The following CLIP4 variants were observed in gnomAD, a reference collection of about 807,000 sequenced individuals.
CLIP4 encodes CAP-Gly domain containing linker protein family member 4.
Under a neutral mutation model 73.1 loss-of-function variants are expected in CLIP4, and 47 were observed. The ratio of observed to expected loss-of-function variants is 0.64; its 90% CI spans 0.51 to 0.82. CLIP4 has a LOEUF of 0.82. CLIP4 is among the 40% of genes least tolerant of loss of function. CLIP4 has a pLI of 0.00. For synonymous variants in CLIP4, 306 were observed against 295.4 expected (o/e 1.04, Z -0.37); for missense variants, 874 against 852.9 (o/e 1.02, Z -0.31).
chr2:29,155,400 G>T (rs1250100762), intron 9 of CLIP4, among the ~76,000 whole-genome samples: 1 of 44,922 alleles, frequency 2.2e-5, no homozygotes, highest in Non-Finnish European at 6.3e-5. Flanking sequence ...ATACACCCAA[G>T]TGTATACACA....
intron 14 of CLIP4, among the ~76,000 whole-genome samples, chr2:29,171,542 G>T (rs528278009): frequency 1.4e-5 from 2 of 143,464 alleles, no homozygotes; most frequent in South Asian, 2.2e-4. Context: ...TTTTTGAGAC[G>T]GAGTCTTGCT....
intron 9 of CLIP4, among the ~76,000 whole-genome samples, chr2:29,153,053 C>T (rs1666684703): frequency 6.6e-6 from 1 of 152,188 alleles, no homozygotes; most frequent in Admixed American, 6.5e-5. Flanking sequence ...TGTCTCCATA[C>T]CTTTATCACA....
intron 6 of CLIP4, among the ~76,000 whole-genome samples, chr2:29,140,899 T>C (rs1288500302): frequency 6.6e-6 from 1 of 152,250 alleles, no homozygotes; most frequent in Non-Finnish European, 1.5e-5. Flanking sequence ...TGTCTGTTCT[T>C]ATTTTTCTAG....
chr2:29,133,523 G>A, intron 4 of CLIP4, 132 bp from the exon 5 acceptor site: 1 of 688,114 alleles, frequency 1.5e-6, no homozygotes, highest in Non-Finnish European at 2.3e-6. Flanking sequence ...ATCAATTCTT[G>A]CAAGTGAAAT....
intron 14 of CLIP4, among the ~76,000 whole-genome samples, chr2:29,171,350 G>T (rs534613329): frequency 6.6e-6 from 1 of 151,968 alleles, no homozygotes; most frequent in Non-Finnish European, 1.5e-5. Flanking sequence ...TAATTGTTTG[G>T]CATTAATGTA....
At chr2:29,138,073 CT>C in intron 6 of CLIP4, among the ~76,000 whole-genome samples, 1 of 152,270 alleles carries the variant, frequency 6.6e-6, no homozygotes, top group East Asian at 1.9e-4. Flanking sequence ...GTCCCAAATT[CT>C]TTGCCTAAGC....
rs1447676352 is a variant in CLIP4, at chr2:29,131,588, C to G, written c.273+191C>G. ...ATTCTTCTGATTATTTCTTCATGCT[C>G]TGTACTTCTGACATTTGTAGACTCC... On this transcript the variant is annotated intron_variant, in intron 3 of 15. Coordinates refer to ENST00000320081, the MANE Select transcript of CLIP4 (RefSeq NM_024692.6). The G allele has an allele frequency of 6.0e-6, 3 of 502,042 alleles. No individual in the cohort carries two copies. In the African/African-American group the frequency reaches 6.1e-5, roughly 10 times the overall value. 31.1% of individuals were successfully genotyped at this position (502,042 alleles called of 1,614,324 possible).
intron 1 of CLIP4, among the ~76,000 whole-genome samples, chr2:29,099,524 A>G (rs1222714947): frequency 6.6e-6 from 1 of 152,170 alleles, no homozygotes. Flanking sequence ...TTGAGTGAGT[A>G]TATTTCTGAG....
At chr2:29,170,305 ATTT>A (rs1439673407) in intron 14 of CLIP4, among the ~76,000 whole-genome samples, 1 of 152,030 alleles carries the variant, frequency 6.6e-6, no homozygotes, top group Non-Finnish European at 1.5e-5. Context: ...TGATAGTTCT[ATTT>A]TTAGTTTTTT....
intron 9 of CLIP4, among the ~76,000 whole-genome samples, 163 bp downstream of exon 9, chr2:29,152,991 T>G (rs1356721857): frequency 1.3e-5 from 2 of 152,222 alleles, no homozygotes; most frequent in African/African-American, 4.8e-5. Flanking sequence ...TTTAATGACT[T>G]CAGTTCCTAA....
At chr2:29,137,123 C>T (rs767147240) in intron 6 of CLIP4, among the ~76,000 whole-genome samples, 4 of 151,866 alleles carry the variant, frequency 2.6e-5, no homozygotes, top group African/African-American at 7.3e-5. Context: ...CTTCTGTTGA[C>T]GCCGTCACCC....
At chr2:29,129,746 G>C (rs893203864) in intron 2 of CLIP4, among the ~76,000 whole-genome samples, 2 of 152,074 alleles carry the variant, frequency 1.3e-5, no homozygotes, top group Non-Finnish European at 2.9e-5. Context: ...GTCTCCAAAA[G>C]GCTTAGGATA....
At chr2:29,176,008 A>T (rs550350306) in intron 15 of CLIP4, among the ~76,000 whole-genome samples, 3 of 152,134 alleles carry the variant, frequency 2.0e-5, no homozygotes, top group Non-Finnish European at 4.4e-5. Flanking sequence ...TGATCTGCCC[A>T]CCTTGGCCTC....
At chr2:29,150,335 G>A (rs1219582298) in intron 8 of CLIP4, among the ~76,000 whole-genome samples, 4 of 152,172 alleles carry the variant, frequency 2.6e-5, no homozygotes, top group African/African-American at 4.8e-5. Context: ...TTTAATCATC[G>A]TAAGAGGGTT....
intron 8 of CLIP4, among the ~76,000 whole-genome samples, chr2:29,150,344 T>C (rs1308292565): frequency 1.3e-5 from 2 of 152,084 alleles, no homozygotes; most frequent in Non-Finnish European, 2.9e-5. Flanking sequence ...CGTAAGAGGG[T>C]TTACTAATAC....
chr2:29,129,510 G>A (rs368946680), intron 2 of CLIP4, among the ~76,000 whole-genome samples: 1 of 151,910 alleles, frequency 6.6e-6, no homozygotes, highest in South Asian at 2.1e-4. Flanking sequence ...TTTTAGCCAT[G>A]TGTCAATTAA....
intron 9 of CLIP4, among the ~76,000 whole-genome samples, 199 bp from the exon 10 acceptor site, chr2:29,156,155 T>C (rs904644503): frequency 2.6e-5 from 4 of 152,246 alleles, no homozygotes; most frequent in African/African-American, 7.2e-5. Flanking sequence ...AATTGATCTT[T>C]GTAGCCACTG....
chr2:29,132,449 T>G, intron 4 of CLIP4: 1 of 535,106 alleles, frequency 1.9e-6, no homozygotes, highest in Non-Finnish European at 3.3e-6. Context: ...TGATACCTCT[T>G]AACTTTTCTG....
upstream of CLIP4, chr2:29,114,979 G>C (rs892136258): frequency 2.0e-5 from 3 of 152,472 alleles, no homozygotes; most frequent in African/African-American, 7.2e-5. Context: ...AGACGGAGAA[G>C]GGGTCAGGAG....
Sources: gnomAD v4.1 joint callset for allele counts (sites outside exome capture counted in the v4.1 genomes callset) on GRCh38, gnomAD v4.1.1 for gene constraint, MANE v1.5 for transcripts, NCBI Gene and HGNC (gene_info 2026-07-23, HGNC 2026-07-21) for gene names.